The following KCTD1 variants were observed in gnomAD, a reference collection of about 807,000 sequenced individuals.
The protein encoded by KCTD1 is potassium channel tetramerization domain containing 1, also known as BTB/POZ domain-containing protein KCTD1.
In KCTD1, 24 loss-of-function variants were observed where a neutral mutation model predicts 66.0. The observed-to-expected ratio is 0.36, with a 90% confidence interval of 0.26 to 0.51. KCTD1 has a LOEUF of 0.51. Ranked by LOEUF, KCTD1 falls within the 20% of genes least tolerant of loss-of-function variation. KCTD1 has a pLI of 0.95. For missense variants in KCTD1, 943 were observed against 1,205.2 expected, an observed-to-expected ratio of 0.78 and a Z score of 3.22; for synonymous variants, 511 against 517.2, an observed-to-expected ratio of 0.99 and a Z score of 0.16.
At chr18:26,637,017 C>T (rs1336411330) in intron 1 of KCTD1, among the ~76,000 whole-genome samples, 1 of 152,258 alleles carries the variant, frequency 6.6e-6, no homozygotes, top group Non-Finnish European at 1.5e-5. Flanking sequence ...CCACTGCTCT[C>T]ACCCGCTGCG....
At chr18:26,629,534 TTC>T (rs1475895053), upstream of KCTD1, among the ~76,000 whole-genome samples, 20 of 152,268 alleles carry the variant, frequency 1.3e-4, no homozygotes, top group African/African-American at 4.6e-4. Flanking sequence ...ATGTCAAGGT[TTC>T]CCGAGAGCAC....
At position 26,657,396 on chromosome 18, in the gene KCTD1, C is replaced by G. The variant is rs576484004; in HGVS notation, c.-28G>C. On this transcript the variant is annotated 5_prime_UTR_variant, in exon 1 of 5. Transcript: ENST00000580191. ...AAGCACAAAGTCTCTCTCCAAGTCCCCTTTTCCTTTTCCTCTCCCCCCTTT... is the reference window on the plus strand; with the variant it reads ...AAGCACAAAGTCTCTCTCCAAGTCCGCTTTTCCTTTTCCTCTCCCCCCTTT... The G allele has an allele frequency of 6.1e-6, 6 of 985,722 alleles. 1 individual carries two copies. Among genetic ancestry groups the G allele is most frequent in the African/African-American group, 3.5e-5 (2 of 57,376 alleles). 61.1% of individuals were successfully genotyped at this position (985,722 alleles called of 1,614,324 possible). A position where few individuals can be genotyped will look rare whatever the true frequency, so the allele number is the denominator to read the frequency against.
At chr18:26,646,956 C>T (rs1383922945) in intron 1 of KCTD1, among the ~76,000 whole-genome samples, 2 of 152,160 alleles carry the variant, frequency 1.3e-5, no homozygotes, top group African/African-American at 4.8e-5. Flanking sequence ...CTTTGTCTTT[C>T]ACTCACTCAA....
chr18:26,515,821 T>A (rs2144733406), intron 1 of KCTD1, among the ~76,000 whole-genome samples: 1 of 152,286 alleles, frequency 6.6e-6, no homozygotes, highest in East Asian at 1.9e-4. Context: ...AAAACAGGCC[T>A]TTCATTTACC....
At chr18:26,470,021 A>C (rs1980966873) in intron 3 of KCTD1, among the ~76,000 whole-genome samples, 1 of 152,248 alleles carries the variant, frequency 6.6e-6, no homozygotes, top group African/African-American at 2.4e-5. Flanking sequence ...AAATATCCAG[A>C]GTCCAAACAT....
chr18:26,569,324 C>T (rs1033594495), intron 1 of KCTD1, among the ~76,000 whole-genome samples: 4 of 152,190 alleles, frequency 2.6e-5, no homozygotes, highest in Non-Finnish European at 4.4e-5. Flanking sequence ...CACTACACTA[C>T]AGCTGCCACC....
At chr18:26,541,835 T>C (rs749706663) in intron 1 of KCTD1, among the ~76,000 whole-genome samples, 1 of 152,194 alleles carries the variant, frequency 6.6e-6, no homozygotes, top group South Asian at 2.1e-4. Flanking sequence ...CTGGGCCATC[T>C]AGAAGCTCAT....
At chr18:26,641,913 T>C (rs185942804), upstream of KCTD1, among the ~76,000 whole-genome samples, 1 of 152,278 alleles carries the variant, frequency 6.6e-6, no homozygotes, top group African/African-American at 2.4e-5. Flanking sequence ...ACAATACATA[T>C]GCATATGTAT....
chr18:26,546,555 A>G (rs1014223660), intron 1 of KCTD1, among the ~76,000 whole-genome samples, 173 bp downstream of exon 1: 1 of 152,202 alleles, frequency 6.6e-6, no homozygotes, highest in African/African-American at 2.4e-5. Context: ...GGTTAGGTGT[A>G]AAGTTTCCCA....
upstream of KCTD1, chr18:26,629,281 T>TA: frequency 1.2e-6 from 1 of 857,084 alleles, no homozygotes; most frequent in Non-Finnish European, 1.4e-6. Flanking sequence ...CCCATGACCT[T>TA]AGCCTCTGCC....
chr18:26,585,536 G>A (rs953550523), intron 1 of KCTD1, among the ~76,000 whole-genome samples: 2 of 152,190 alleles, frequency 1.3e-5, no homozygotes, highest in African/African-American at 4.8e-5. Context: ...CTTTGACAGA[G>A]TCTGGTAAAT....
At chr18:26,548,700 A>G, upstream of KCTD1, 1 of 683,440 alleles carries the variant, frequency 1.5e-6, no homozygotes, top group Non-Finnish European at 1.8e-6. Context: ...CCGGAGGGGC[A>G]GCGGCGCGCA....
intron 1 of KCTD1, among the ~76,000 whole-genome samples, chr18:26,507,929 A>G (rs959315718): frequency 6.6e-6 from 1 of 152,190 alleles, no homozygotes; most frequent in African/African-American, 2.4e-5. Context: ...ACAGTTGTAT[A>G]CATACGCACA....
chr18:26,552,853 GAC>G (rs1337211276), upstream of KCTD1, among the ~76,000 whole-genome samples: 1 of 152,088 alleles, frequency 6.6e-6, no homozygotes, highest in African/African-American at 2.4e-5. Flanking sequence ...TCATTTTAAA[GAC>G]ACAAATTAAA....
intron 1 of KCTD1, among the ~76,000 whole-genome samples, chr18:26,613,455 G>A (rs942006700): frequency 2.0e-5 from 3 of 152,140 alleles, no homozygotes; most frequent in African/African-American, 7.2e-5. Context: ...CTGTCTCTCA[G>A]TTCTTTTCAA....
rs200190341 is a variant in KCTD1, at chr18:26,588,297, AGGAAG to A, written c.-16+40845_-16+40849del. Among the ~76,000 whole-genome samples the A allele has an allele frequency of 7.3e-3, 1,031 of 141,072 alleles. 8 individuals are homozygous for A. The highest frequency in any genetic ancestry group is 9.0e-3 in the Non-Finnish European group (587 of 64,960). The allele number at this position is 141,072 out of a possible 152,430, so 92.5% of individuals were successfully genotyped here. On this transcript the variant is annotated intron_variant, in intron 1 of 4. Coordinates refer to the KCTD1 transcript ENST00000317932. Reference sequence around the variant, plus strand: ...AGAAAGAAAAGAAAGAAAGAGGGAAAGGAAGGGAAGGGAAGGGAAGGGAAGGGAAA... The same window carrying A: ...AGAAAGAAAAGAAAGAAAGAGGGAAAGGAAGGGAAGGGAAGGGAAGGGAAA...
intron 2 of KCTD1, among the ~76,000 whole-genome samples, chr18:26,491,134 G>A (rs1376830954): frequency 6.6e-6 from 1 of 152,154 alleles, no homozygotes; most frequent in African/African-American, 2.4e-5. Context: ...GCGTGCTTAT[G>A]TGTGTTCCAT....
intron 1 of KCTD1, among the ~76,000 whole-genome samples, chr18:26,519,479 A>G (rs1983812783): frequency 6.6e-6 from 1 of 152,222 alleles, no homozygotes; most frequent in African/African-American, 2.4e-5. Flanking sequence ...TGCAAATCCT[A>G]AACTAGAAGT....
At chr18:26,574,118 T>C (rs1170291929) in intron 1 of KCTD1, among the ~76,000 whole-genome samples, 1 of 152,244 alleles carries the variant, frequency 6.6e-6, no homozygotes, top group East Asian at 1.9e-4. Context: ...TTTCTCCATC[T>C]TGGAGCTCAT....
Sources: gnomAD v4.1 joint callset for allele counts (sites outside exome capture counted in the v4.1 genomes callset) on GRCh38, gnomAD v4.1.1 for gene constraint, MANE v1.5 for transcripts, NCBI Gene and HGNC (gene_info 2026-07-23, HGNC 2026-07-21) for gene names.